The following CDK13 variants were observed in gnomAD, a reference collection of about 807,000 sequenced individuals.
CDK13 encodes cyclin-dependent kinase 13.
CDK13 carries 40 observed loss-of-function variants against 137.6 expected under a neutral mutation model. That is an observed-to-expected ratio of 0.29 (90% CI 0.23 to 0.38). The LOEUF is 0.38. Ranked by LOEUF, CDK13 falls within the 10% of genes least tolerant of loss-of-function variation. The probability of loss-of-function intolerance (pLI) is 1.00; values close to 1 mark genes in which losing one functional copy is unlikely to be tolerated. For missense variants in CDK13, 1,704 were observed against 1,951.8 expected (o/e 0.87, Z 2.39); for synonymous variants, 869 against 760.1 (o/e 1.14, Z -2.36).
intron 2 of CDK13, among the ~76,000 whole-genome samples, chr7:39,992,105 G>GCA (rs764758989): frequency 0.092 from 12,281 of 133,072 alleles, 848 homozygotes; most frequent in East Asian, 0.34. Context: ...ACACACACAC[G>GCA]CACACACACA....
At chr7:39,976,315 T>TCACA (rs1263912236) in intron 1 of CDK13, among the ~76,000 whole-genome samples, 51 of 68,676 alleles carry the variant, frequency 7.4e-4, no homozygotes, top group Non-Finnish European at 1.6e-3. Context: ...TCTCTCTCTC[T>TCACA]CTCTCTCTCA....
chr7:40,093,300 A>T lies in CDK13; in HGVS notation c.3688+63A>T, dbSNP rs1786968782. Reference sequence around the variant, plus strand: ...TTACATTGTCTACTCAGTGTTGCTGACTATATATAATGTGTATAGTTCAGT... The same window carrying T: ...TTACATTGTCTACTCAGTGTTGCTGTCTATATATAATGTGTATAGTTCAGT... On this transcript the variant is annotated intron_variant, in intron 13 of 13. Transcript: ENST00000181839. 3.8e-6 allele frequency: 5 copies of T among 1,308,602 alleles called. No homozygotes were observed. The African/African-American group carries it at 7.3e-5, about 19-fold the overall frequency. 81.1% of individuals were successfully genotyped at this position (1,308,602 alleles called of 1,614,324 possible). A position where few individuals can be genotyped will look rare whatever the true frequency, so the allele number is the denominator to read the frequency against.
chr7:40,088,337 TA>T lies in CDK13; in HGVS notation c.3235+8del, dbSNP rs1312942947. On this transcript the variant is annotated splice_region_variant and intron_variant, in intron 12 of 13. Coordinates refer to ENST00000181839, the MANE Select transcript of CDK13 (RefSeq NM_003718.5). ...CAGCTCAAATGTGGCACCTGGTCAG[TA>T]ATGCTTCCATGGGTTGGTTTTCTTC... is the stretch of plus-strand genomic sequence containing the variant. 1.2e-6 allele frequency: 2 copies of T among 1,604,412 alleles called. No homozygotes were observed. Among genetic ancestry groups the T allele is most frequent in the Non-Finnish European group, 1.7e-6 (2 of 1,171,832 alleles).
chr7:39,992,161 A>AGG (rs200276913), intron 2 of CDK13, among the ~76,000 whole-genome samples: 5,419 of 51,046 alleles, frequency 0.11, 151 homozygotes, highest in East Asian at 0.29. Context: ...AGAACTAATG[A>AGG]GGGTGTGTGT....
chr7:40,052,595 G>T (rs1053437097), intron 7 of CDK13, among the ~76,000 whole-genome samples: 1 of 152,136 alleles, frequency 6.6e-6, no homozygotes, highest in Non-Finnish European at 1.5e-5. Context: ...AGGGAAAAAT[G>T]AAAAGGGCCT....
intron 5 of CDK13, among the ~76,000 whole-genome samples, chr7:40,021,108 T>TACACACACACACACACACAC (rs1359649785): frequency 5.5e-5 from 4 of 72,466 alleles, no homozygotes; most frequent in African/African-American, 2.1e-4. Flanking sequence ...CAAACGTATA[T>TACACACACACACACACACAC]ATATATATAT....
At chr7:39,974,664 A>C (rs1009413090) in intron 1 of CDK13, among the ~76,000 whole-genome samples, 3 of 151,822 alleles carry the variant, frequency 2.0e-5, no homozygotes, top group African/African-American at 7.3e-5. Flanking sequence ...CCTGGGTTCA[A>C]GTGATTCTCC....
chr7:40,036,570 CA>C (rs951343277), intron 5 of CDK13, among the ~76,000 whole-genome samples: 3 of 151,032 alleles, frequency 2.0e-5, no homozygotes, highest in Admixed American at 6.6e-5. Context: ...GACTCCGTCT[CA>C]AAAAAAATTA....
chr7:40,024,497 T>C (rs1248933875), intron 5 of CDK13, among the ~76,000 whole-genome samples: 1 of 152,180 alleles, frequency 6.6e-6, no homozygotes, highest in African/African-American at 2.4e-5. Flanking sequence ...GGCCAGCGTT[T>C]ATTATGTTGA....
At chr7:40,074,028 A>G (rs1478827609) in intron 9 of CDK13, among the ~76,000 whole-genome samples, 8 of 150,856 alleles carry the variant, frequency 5.3e-5, no homozygotes, top group African/African-American at 2.0e-4. Context: ...CAGCCTCCCA[A>G]GTAGCTGGGA....
chr7:40,094,769 C>T lies in CDK13; in HGVS notation c.4328C>T (p.Pro1443Leu). Residue 1443 changes from proline (P) to leucine (L), a missense_variant, in exon 14 of 14, where the codon CCT becomes CTT. By Grantham distance (98) the Pro-to-Leu change is moderately conservative (BLOSUM62 -3). Around this residue, in one of 5 missense-constraint regions of CDK13, gnomAD observed 475 missense variants for 579.3 expected, o/e 0.82. Coordinates refer to ENST00000181839, the MANE Select transcript of CDK13 (RefSeq NM_003718.5). The part of the protein sequence containing the change: ...PIAVLANSSD[P>L]STGPESTHPL... ...GCAGTCCTGGCAAACAGCAGTGACC[C>T]TTCCACGGGGCCAGAGAGTACTCAT... 1 of 1,612,428 alleles carries T rather than the reference C, an allele frequency of 6.2e-7. No individual in the cohort carries two copies. The highest frequency in any genetic ancestry group is 1.3e-5 in the African/African-American group (1 of 75,000).
chr7:39,978,755 A>G (rs1356565356), intron 1 of CDK13, among the ~76,000 whole-genome samples: 1 of 152,204 alleles, frequency 6.6e-6, no homozygotes, highest in Non-Finnish European at 1.5e-5. Flanking sequence ...ATTTCTGACA[A>G]GCTCACAATT....
At chr7:40,045,452 TTAAA>T (rs1314077126) in intron 5 of CDK13, among the ~76,000 whole-genome samples, 16 of 149,628 alleles carry the variant, frequency 1.1e-4, no homozygotes, top group Middle Eastern at 3.2e-3. Flanking sequence ...TTTTTTTTAA[TTAAA>T]AGCAGTTCTT....
chr7:39,989,469 A>G (rs1784412862), intron 2 of CDK13, among the ~76,000 whole-genome samples: 1 of 152,042 alleles, frequency 6.6e-6, no homozygotes, highest in South Asian at 2.1e-4. Context: ...TTACTTTGGC[A>G]TTATGAAAAT....
chr7:39,974,416 A>C (rs958857759), intron 1 of CDK13, among the ~76,000 whole-genome samples: 1 of 151,998 alleles, frequency 6.6e-6, no homozygotes, highest in African/African-American at 2.4e-5. Flanking sequence ...TGAACACGGG[A>C]TGTCTTTCCT....
chr7:39,997,458 T>G, intron 2 of CDK13, 36 bp from the exon 3 acceptor site: 4 of 1,555,630 alleles, frequency 2.6e-6, no homozygotes, highest in Non-Finnish European at 3.5e-6. Context: ...GTCAACAAAA[T>G]TTTTGTTTTA....
intron 9 of CDK13, among the ~76,000 whole-genome samples, chr7:40,064,103 G>A (rs1786217668): frequency 6.6e-6 from 1 of 151,988 alleles, no homozygotes; most frequent in Non-Finnish European, 1.5e-5. Context: ...TGACCAACAT[G>A]GAGAAACCCT....
intron 1 of CDK13, among the ~76,000 whole-genome samples, chr7:39,965,517 A>G (rs1385480014): frequency 6.6e-6 from 1 of 152,116 alleles, no homozygotes; most frequent in African/African-American, 2.4e-5. Context: ...GTGTCTCTGC[A>G]CGTGAGATGG....
intron 9 of CDK13, chr7:40,073,520 TAAAA>T (rs1786467603): frequency 6.6e-6 from 1 of 152,004 alleles, no homozygotes; most frequent in Non-Finnish European, 1.5e-5. Flanking sequence ...AATAAATAAA[TAAAA>T]TTTGAAACCT....
Sources: allele counts gnomAD v4.1 joint callset (sites outside exome capture counted in the v4.1 genomes callset), GRCh38; gene constraint gnomAD v4.1.1; regional missense constraint gnomAD v4.1.1; transcripts MANE v1.5; gene names NCBI Gene and HGNC (gene_info 2026-07-23, HGNC 2026-07-21).